AMBRA1: variants seen among roughly 807,000 people sequenced by gnomAD.
AMBRA1 encodes activating molecule in BECN1-regulated autophagy protein 1.
AMBRA1 carries 47 observed loss-of-function variants against 125.4 expected under a neutral mutation model. That is an observed-to-expected ratio of 0.37 (90% CI 0.30 to 0.48). The LOEUF (loss-of-function observed/expected upper bound fraction) is 0.48. Among genes scored for constraint, AMBRA1 ranks in the 20% least tolerant of loss-of-function variants. The pLI is 0.99. For missense variants in AMBRA1, 1,331 were observed against 1,693.4 expected (o/e 0.79, Z 3.76); for synonymous variants, 626 against 655.5 (o/e 0.95, Z 0.69).
At chr11:46,470,588 C>CA (rs766521795) in intron 11 of AMBRA1, among the ~76,000 whole-genome samples, 13,582 of 51,828 alleles carry the variant, frequency 0.26, 1,550 homozygotes, top group African/African-American at 0.34. Flanking sequence ...GACTCCGTCT[C>CA]AAAAAAAAAA....
At chr11:46,592,828 A>C (rs1487896820) in intron 1 of AMBRA1, among the ~76,000 whole-genome samples, 1 of 152,138 alleles carries the variant, frequency 6.6e-6, no homozygotes, top group Non-Finnish European at 1.5e-5. Flanking sequence ...GCAGACCCTC[A>C]CAGGACAAGC....
chr11:46,544,072 C>A (rs1337959749), intron 5 of AMBRA1, 31 bp from the exon 6 acceptor site: 1 of 1,562,106 alleles, frequency 6.4e-7, no homozygotes, highest in Non-Finnish European at 8.8e-7. Context: ...GACAAAGACA[C>A]ACATAGAGAG....
intron 1 of AMBRA1, among the ~76,000 whole-genome samples, chr11:46,572,226 G>A (rs982172902): frequency 3.3e-5 from 5 of 152,066 alleles, no homozygotes; most frequent in East Asian, 1.9e-4. Context: ...GCTTAAACCC[G>A]GGAGGCGGAG....
In AMBRA1 at chr11:46,543,230, G is replaced by C; in HGVS notation, c.787C>G (p.Gln263Glu). The C allele has an allele frequency of 1.2e-6, 2 of 1,612,656 alleles. No individual in the cohort carries two copies. The highest frequency in any genetic ancestry group is 1.7e-6 in the Non-Finnish European group (2 of 1,179,560). The change falls in exon 7 of 18, where the codon CAA (glutamine) becomes GAA (glutamate). Residue 263 changes from glutamine (Q) to glutamate (E), a missense_variant. Around this residue, in one of 4 missense-constraint regions of AMBRA1, gnomAD observed 689 missense variants for 776.5 expected, o/e 0.89. Coordinates refer to ENST00000683756, the MANE Select transcript of AMBRA1 (RefSeq NM_001387011.1). ...GIQVGEQSTV[Q>E]DSATPSPPPP... ...GGGGGTGAGGGGGTAGCAGAATCTT[G>C]CACTGTGCTTTGCTCTCCCACCTGG...
At chr11:46,435,451 G>C (rs1212729739) in intron 12 of AMBRA1, among the ~76,000 whole-genome samples, 1 of 152,208 alleles carries the variant, frequency 6.6e-6, no homozygotes, top group African/African-American at 2.4e-5. Flanking sequence ...TACAGGTAGA[G>C]CTTTCTTGGG....
chr11:46,545,172 G>A (rs370342164), intron 5 of AMBRA1, among the ~76,000 whole-genome samples: 11 of 138,626 alleles, frequency 7.9e-5, no homozygotes, highest in East Asian at 2.1e-4. Context: ...GGGGGGGGGG[G>A]GGTGGTGGTG....
intron 11 of AMBRA1, among the ~76,000 whole-genome samples, chr11:46,463,971 G>C (rs1949213683): frequency 6.6e-6 from 1 of 152,200 alleles, no homozygotes; most frequent in Non-Finnish European, 1.5e-5. Context: ...TTCATGCTCT[G>C]AAAAGTCAGA....
chr11:46,503,644 T>C (rs1206092954), intron 9 of AMBRA1, among the ~76,000 whole-genome samples: 3 of 152,148 alleles, frequency 2.0e-5, no homozygotes, highest in African/African-American at 4.8e-5. Flanking sequence ...TAAAACAAAG[T>C]GTGCCTGTAT....
At position 46,590,017 on chromosome 11, in the gene AMBRA1, TCAAAA is replaced by T. The variant is rs201285627; in HGVS notation, c.-121+3806_-121+3810del. 1.8e-3 allele frequency among the ~76,000 whole-genome samples: 281 copies of T among 152,210 alleles called. 5 individuals carry two copies. The East Asian group carries it at 0.043, about 23-fold the overall frequency. ...TAATAAGCACCATAAAGCTACATGA[TCAAAA>T]CAAAAGTTTTATAAGTTTCCTAACA... On this transcript the variant is annotated intron_variant, in intron 1 of 17. Transcript: ENST00000683756.
chr11:46,591,111 T>G (rs1468676470), intron 1 of AMBRA1: 1 of 152,178 alleles, frequency 6.6e-6, no homozygotes, highest in Non-Finnish European at 1.5e-5. Flanking sequence ...CTAAGATTGC[T>G]TCATGACACT....
At chr11:46,551,389 T>C (rs2042992233) in intron 1 of AMBRA1, among the ~76,000 whole-genome samples, 1 of 152,136 alleles carries the variant, frequency 6.6e-6, no homozygotes, top group East Asian at 1.9e-4. Context: ...CATGGCTCAC[T>C]GCAGCCTCAA....
At chr11:46,576,717 C>T (rs2043972147) in intron 1 of AMBRA1, among the ~76,000 whole-genome samples, 1 of 152,156 alleles carries the variant, frequency 6.6e-6, no homozygotes, top group East Asian at 1.9e-4. Flanking sequence ...TTAACACCAC[C>T]TGAACAATAT....
rs761393921 is a variant in AMBRA1, at chr11:46,512,739, G to C, written c.2147C>G (p.Pro716Arg). ...GAGSREHPIY[P>R]DPARLSPAAY... ...ACTTTGGCCTTACCTCGCTGGGTCT[G>C]GGTAAATTGGGTGCTCTCTGGATCC... The change falls in exon 8 of 18, where the codon CCA becomes CGA. Residue 716 changes from proline to arginine, a missense_variant. Physicochemically the swap from Pro to Arg is moderately radical, Grantham distance 103 (BLOSUM62 -2). Transcript: ENST00000683756. 6.2e-7 allele frequency: 1 copy of C among 1,613,362 alleles called. No homozygotes were observed. The highest frequency in any genetic ancestry group is 8.5e-7 in the Non-Finnish European group (1 of 1,179,654).
intron 11 of AMBRA1, among the ~76,000 whole-genome samples, chr11:46,466,547 G>A (rs1335217641): frequency 1.3e-5 from 2 of 152,110 alleles, no homozygotes; most frequent in Admixed American, 6.5e-5. Flanking sequence ...GTGGATTCAG[G>A]GGTCAAGAGC....
rs1590692850 is a variant in AMBRA1, at chr11:46,397,569, G to A, written c.3778C>T (p.Leu1260Phe). ...AGGGTTGGTCCCTCAGCGCTGGGAA[G>A]GGAAACAGGAATGGGGACAGGGGAG... ...SSSPVPIPVS[L>F]PSAEGPTLHC... Residue 1260 changes from leucine to phenylalanine, a missense_variant, in exon 18 of 18, where the codon CTT becomes TTT. By Grantham distance (22) the Leu-to-Phe change is conservative (BLOSUM62 0). Around this residue, in one of 4 missense-constraint regions of AMBRA1, gnomAD observed 144 missense variants for 133.9 expected, o/e 1.08. Transcript: ENST00000683756. 2 of 1,580,112 alleles carry A rather than the reference G, an allele frequency of 1.3e-6. No homozygotes were observed. The highest frequency in any genetic ancestry group is 1.8e-5 in the Admixed American group (1 of 56,396).
intron 4 of AMBRA1, 81 bp from the exon 5 acceptor site, chr11:46,545,857 T>G (rs1952991273): frequency 2.6e-5 from 36 of 1,392,280 alleles, no homozygotes; most frequent in Non-Finnish European, 3.4e-5. Context: ...AAGGTCCATT[T>G]AAGGTAAAAT....
chr11:46,592,032 G>T (rs1232201184), intron 1 of AMBRA1, among the ~76,000 whole-genome samples: 1 of 134,172 alleles, frequency 7.5e-6, no homozygotes, highest in Admixed American at 8.4e-5. Flanking sequence ...CGCAACCTCC[G>T]CCTCCCGAGT....
chr11:46,585,679 AAAAAAAAAAAAAAAAAATATATATAT>A (rs2044349420), intron 1 of AMBRA1, among the ~76,000 whole-genome samples: 3 of 34,648 alleles, frequency 8.7e-5, no homozygotes, highest in Non-Finnish European at 2.0e-4. Context: ...AAAAAAAAAA[AAAAAAAAAAAAAAAAAATATATATAT>A]ATATATATAT....
intron 12 of AMBRA1, 83 bp downstream of exon 12, chr11:46,443,405 C>G: frequency 9.3e-7 from 1 of 1,079,806 alleles, no homozygotes; most frequent in South Asian, 1.3e-5. Context: ...TGATGAAAAA[C>G]CCAGTGCTCC....
Sources: gnomAD v4.1 joint callset for allele counts (sites outside exome capture counted in the v4.1 genomes callset) on GRCh38, gnomAD v4.1.1 for gene constraint, gnomAD v4.1.1 regional missense constraint, MANE v1.5 for transcripts, NCBI Gene and HGNC (gene_info 2026-07-23, HGNC 2026-07-21) for gene names.